Variants in TSPAN4 observed in about 807,000 individuals in gnomAD.
The protein encoded by TSPAN4 is tetraspanin 4, also known as tetraspanin-4.
TSPAN4 carries 38 observed loss-of-function variants against 31.5 expected under a neutral mutation model. That is an observed-to-expected ratio of 1.21 (90% CI 0.93 to 1.58). TSPAN4 has a LOEUF of 1.58. TSPAN4 is among the 40% of genes most tolerant of loss of function. The pLI is 0.00. For missense variants in TSPAN4, 330 were observed against 317.3 expected (o/e 1.04, Z -0.30); for synonymous variants, 186 against 144.6 (o/e 1.29, Z -2.06).
In TSPAN4 at chr11:855,302, G is replaced by A. The variant is rs552862371; in HGVS notation, c.63+4935G>A. ...CCCACGCAGGGGGACGGGAGTGAGC[G>A]TGGGGGACCTGGGCTTCCAGCCGCG... On this transcript the variant is annotated intron_variant, in intron 3 of 8. Coordinates refer to ENST00000397397, the MANE Select transcript of TSPAN4 (RefSeq NM_003271.5). Among the ~76,000 whole-genome samples, 214 of 152,334 alleles carry A rather than the reference G, an allele frequency of 1.4e-3. 2 individuals carry two copies. The highest frequency in any genetic ancestry group is 6.8e-3 in the Middle Eastern group (2 of 294).
Position 848,706 on chromosome 11 carries a change from TC to T in TSPAN4, c.-18+1410del. ...TCCTCTTCCTCCTGCCCTTCCTCAT[TC>T]CCCACCTCTGGGCTTCAGGTCATCT... On this transcript the variant is annotated intron_variant, in intron 2 of 8. Transcript: ENST00000397397. The surrounding 1 kb of genome is among the most constrained non-coding windows in gnomAD (Gnocchi z 5.7). The T allele has an allele frequency of 1.9e-6, 1 of 516,108 alleles. No individual in the cohort carries two copies. The highest frequency in any genetic ancestry group is 3.4e-6 in the Non-Finnish European group (1 of 290,192). 32.0% of individuals were successfully genotyped at this position (516,108 alleles called of 1,614,324 possible). A position where few individuals can be genotyped will look rare whatever the true frequency, so the allele number is the denominator to read the frequency against.
chr11:848,941 T>C lies in TSPAN4; in HGVS notation c.-17-1347T>C. 2.8e-6 allele frequency: 2 copies of C among 708,432 alleles called. No individual in the cohort carries two copies. Among genetic ancestry groups the C allele is most frequent in the East Asian group, 2.7e-5 (1 of 36,690 alleles). The allele number at this position is 708,432 out of a possible 1,614,324, so 43.9% of individuals were successfully genotyped here. On this transcript the variant is annotated intron_variant, in intron 2 of 8. Transcript: ENST00000397397. This position sits in a 1 kb window ranked among gnomAD's most constrained non-coding sequence, Gnocchi z 5.7. Reference sequence around the variant, plus strand: ...CATCTGCGCACGGGGCCGGTATGTCTGTACCTGTCAAGGGGTGGGGTGGGG... The same window carrying C: ...CATCTGCGCACGGGGCCGGTATGTCCGTACCTGTCAAGGGGTGGGGTGGGG...
chr11:850,329 G>GTCAAGTACCTCATGTTCGCCT lies in TSPAN4; in HGVS notation c.30_50dup (p.Lys10_Phe16dup), dbSNP rs1565131691. ...CATGGCGCGCGCCTGCCTCCAGGCC[G>GTCAAGTACCTCATGTTCGCCT]TCAAGTACCTCATGTTCGCCTTCAA... On this transcript the variant is annotated inframe_insertion, in exon 3 of 9. Transcript: ENST00000397397. 1 of 1,607,710 alleles carries GTCAAGTACCTCATGTTCGCCT rather than the reference G, an allele frequency of 6.2e-7. No individual in the cohort carries two copies. Among genetic ancestry groups the GTCAAGTACCTCATGTTCGCCT allele is most frequent in the African/African-American group, 1.3e-5 (1 of 74,884 alleles).
chr11:864,076 G>A (rs2134064157), intron 4 of TSPAN4: 1 of 316,370 alleles, frequency 3.2e-6, no homozygotes, highest in East Asian at 6.1e-5. Flanking sequence ...ACACTCAGAG[G>A]CCCCTGGATG....
intron 1 of TSPAN4, among the ~76,000 whole-genome samples, chr11:845,975 G>A (rs1002833609): frequency 1.3e-5 from 2 of 152,216 alleles, no homozygotes. Context: ...ACCCCCCAGG[G>A]TGAGGGCTTG....
At chr11:849,389 A>C (rs943340505) in intron 2 of TSPAN4, among the ~76,000 whole-genome samples, 1 of 151,292 alleles carries the variant, frequency 6.6e-6, no homozygotes, top group Non-Finnish European at 1.5e-5. Context: ...GAGCCGCTTC[A>C]AGTTGCCACC....
rs1589795681 is a variant in TSPAN4, at chr11:864,379, T to C, written c.256-58T>C. On this transcript the variant is annotated intron_variant, in intron 4 of 8. Transcript: ENST00000397397. ...TACGTGGCCCTGGCCCCTGGCATGC[T>C]GTGGGGCGGAGGCTGTGCGGCCTTT... 4 of 1,592,124 alleles carry C rather than the reference T, an allele frequency of 2.5e-6. No homozygotes were observed. In the South Asian group the frequency reaches 3.3e-5, roughly 13 times the overall value.
At chr11:850,433 G>GA in intron 3 of TSPAN4, 66 bp downstream of exon 3, 1 of 1,428,072 alleles carries the variant, frequency 7.0e-7, no homozygotes, top group Non-Finnish European at 9.6e-7. Context: ...CGGGTCGCGG[G>GA]GTCTGGGGAG....
intron 3 of TSPAN4, among the ~76,000 whole-genome samples, chr11:851,392 C>T (rs1409302453): frequency 6.6e-6 from 1 of 152,196 alleles, no homozygotes; most frequent in Non-Finnish European, 1.5e-5. Context: ...AGGCTCTGGG[C>T]TTCAGAAGGA....
At chr11:861,395 A>G (rs1190470767) in intron 3 of TSPAN4, among the ~76,000 whole-genome samples, 2 of 152,154 alleles carry the variant, frequency 1.3e-5, no homozygotes, top group African/African-American at 4.8e-5. Context: ...CGGGCTGATC[A>G]TGAGGTCAGG....
At chr11:861,721 A>AT (rs1459937122) in intron 3 of TSPAN4, among the ~76,000 whole-genome samples, 1 of 151,878 alleles carries the variant, frequency 6.6e-6, no homozygotes, top group African/African-American at 2.4e-5. Flanking sequence ...CAAAAAAAAA[A>AT]CAAAAAAGAC....
intron 3 of TSPAN4, among the ~76,000 whole-genome samples, chr11:856,287 G>A (rs2134022437): frequency 6.6e-6 from 1 of 152,360 alleles, no homozygotes; most frequent in Non-Finnish European, 1.5e-5. Context: ...GCGAGTGTCT[G>A]ATGGACTGAG....
In TSPAN4 at chr11:848,991, T is replaced by A; in HGVS notation, c.-17-1297T>A. On this transcript the variant is annotated intron_variant, in intron 2 of 8. Transcript: ENST00000397397. This position sits in a 1 kb window ranked among gnomAD's most constrained non-coding sequence, Gnocchi z 5.7. Reference sequence around the variant, plus strand: ...GTCTTTTACAGGCTGACTTCCAGCCTGGGCTGGAGCAAAATGAAATTCTGG... The same window carrying A: ...GTCTTTTACAGGCTGACTTCCAGCCAGGGCTGGAGCAAAATGAAATTCTGG... The A allele has an allele frequency of 1.6e-6, 1 of 627,670 alleles. No individual in the cohort carries two copies. The highest frequency in any genetic ancestry group is 2.9e-6 in the Non-Finnish European group (1 of 341,440). 38.9% of individuals were successfully genotyped at this position (627,670 alleles called of 1,614,324 possible). A position where few individuals can be genotyped will look rare whatever the true frequency, so the allele number is the denominator to read the frequency against.
At chr11:843,470 G>C (rs1847092726) in intron 1 of TSPAN4, 2 of 152,218 alleles carry the variant, frequency 1.3e-5, no homozygotes, top group Admixed American at 1.3e-4. Context: ...TTTTTGAGCT[G>C]AACCTGGAAG....
chr11:865,201 C>G (rs1848701872), intron 5 of TSPAN4: 1 of 366,010 alleles, frequency 2.7e-6, no homozygotes, highest in Admixed American at 4.4e-5. Flanking sequence ...GCTCATAGCC[C>G]CTGGCTTTCA....
Position 864,461 on chromosome 11 carries a change from T to C in TSPAN4, c.280T>C (p.Phe94Leu). 1 of 1,612,828 alleles carries C rather than the reference T, an allele frequency of 6.2e-7. No homozygotes were observed. The highest frequency in any genetic ancestry group is 1.3e-5 in the African/African-American group (1 of 75,032). Residue 94 changes from phenylalanine to leucine, a missense_variant, in exon 5 of 9, where the codon TTC (phenylalanine) becomes CTC (leucine). Coordinates refer to ENST00000397397, the MANE Select transcript of TSPAN4 (RefSeq NM_003271.5). ...LTFFLLLLLV[F>L]LLEATIAILF... ...GTTCTTCCTGCTGCTGCTGCTGGTG[T>C]TCCTGCTGGAGGCCACCATCGCCAT...
intron 3 of TSPAN4, among the ~76,000 whole-genome samples, chr11:855,532 C>G (rs1475772015): frequency 1.3e-5 from 2 of 152,326 alleles, no homozygotes; most frequent in East Asian, 3.9e-4. Flanking sequence ...TTCTGCTCTC[C>G]CTGCTTTGGA....
At chr11:865,461 G>C in intron 5 of TSPAN4, 52 bp from the exon 6 acceptor site, 1 of 1,479,294 alleles carries the variant, frequency 6.8e-7, no homozygotes, top group South Asian at 1.2e-5. Flanking sequence ...GTCTGGATGA[G>C]GGAGGCGGGG....
At chr11:850,419 G>C (rs761472055) in intron 3 of TSPAN4, 52 bp downstream of exon 3, 1 of 1,502,424 alleles carries the variant, frequency 6.7e-7, no homozygotes, top group Admixed American at 1.8e-5. Flanking sequence ...GGTCCCTCCC[G>C]CGGCGGGTCG....
Sources: allele counts gnomAD v4.1 joint callset (sites outside exome capture counted in the v4.1 genomes callset), GRCh38; gene constraint gnomAD v4.1.1; non-coding constraint Gnocchi (gnomAD v3.1); transcripts MANE v1.5; gene names NCBI Gene and HGNC (gene_info 2026-07-23, HGNC 2026-07-21).